The following YDJC variants were observed in gnomAD, a reference collection of about 807,000 sequenced individuals.
YDJC encodes the protein YdjC chitooligosaccharide deacetylase homolog, also known as carbohydrate deacetylase.
In YDJC, 23 loss-of-function variants were observed where a neutral mutation model predicts 18.9. That is an observed-to-expected ratio of 1.22 (90% CI 0.87 to 1.72). YDJC has a LOEUF of 1.72. Ranked by LOEUF, YDJC falls within the 40% of genes most tolerant of loss-of-function variation. The probability of loss-of-function intolerance (pLI) is 0.00; values close to 1 mark genes in which losing one functional copy is unlikely to be tolerated. For synonymous variants in YDJC, 224 were observed against 217.6 expected, an observed-to-expected ratio of 1.03 and a Z score of -0.26; for missense variants, 467 against 470.8, an observed-to-expected ratio of 0.99 and a Z score of 0.07.
Position 21,629,995 on chromosome 22 carries a change from C to T in YDJC, c.20G>A (p.Arg7His), listed in dbSNP as rs1270394693. The T allele has an allele frequency of 1.3e-6, 2 of 1,599,128 alleles. No individual in the cohort carries two copies. The highest frequency in any genetic ancestry group is 1.7e-6 in the Non-Finnish European group (2 of 1,176,954). MSRPRM[R>H]LVVTADDFGY... Reference sequence around the variant, plus strand: ...AAAGTCGTCCGCGGTGACCACCAGGCGCATGCGAGGGCGGGACATGGCCGC... The same window carrying T: ...AAAGTCGTCCGCGGTGACCACCAGGTGCATGCGAGGGCGGGACATGGCCGC... The change falls in exon 1 of 5, where the codon CGC becomes CAC. Residue 7 changes from arginine (R) to histidine (H), a missense_variant. By Grantham distance (29) the Arg-to-His change is conservative (BLOSUM62 0). Coordinates refer to ENST00000292778, the MANE Select transcript of YDJC (RefSeq NM_001017964.2).
At position 21,629,755 on chromosome 22, in the gene YDJC, G is replaced by A. The variant is rs1331837864; in HGVS notation, c.171C>T (p.Ser57=). Residue 57 remains serine, a synonymous_variant, in exon 2 of 5, where the codon AGC becomes AGT. Coordinates refer to ENST00000292778, the MANE Select transcript of YDJC (RefSeq NM_001017964.2). ...ESAAELARRH[S]IPTGLHANLS... ...GGTTGGCGTGGAGGCCCGTGGGGATGCTGTGCCTGAGGGCGGAGCGCGAGC... is the reference window on the plus strand; with the variant it reads ...GGTTGGCGTGGAGGCCCGTGGGGATACTGTGCCTGAGGGCGGAGCGCGAGC... The A allele has an allele frequency of 4.6e-6, 7 of 1,507,962 alleles. No individual in the cohort carries two copies. The African/African-American group carries it at 5.6e-5, about 12-fold the overall frequency. 93.4% of individuals were successfully genotyped at this position (1,507,962 alleles called of 1,614,324 possible).
chr22:21,629,233 G>A, intron 3 of YDJC, 46 bp from the exon 4 acceptor site: 3 of 1,549,116 alleles, frequency 1.9e-6, no homozygotes, highest in Non-Finnish European at 2.6e-6. Flanking sequence ...TTCACCTGGG[G>A]GCATCGAACT....
rs1167205460 is a variant in YDJC, at chr22:21,628,785, C to G, written c.605G>C (p.Trp202Ser). 1.4e-6 allele frequency: 2 copies of G among 1,479,294 alleles called. No individual in the cohort carries two copies. Among genetic ancestry groups the G allele is most frequent in the Non-Finnish European group, 1.8e-6 (2 of 1,112,526 alleles). 91.6% of individuals were successfully genotyped at this position (1,479,294 alleles called of 1,614,324 possible). A position where few individuals can be genotyped will look rare whatever the true frequency, so the allele number is the denominator to read the frequency against. ...GCTCAGGCCCACGAAGGCGTCTGTC[C>G]ACCTGTGGGGGGCGGGACATCAGAG... is the stretch of plus-strand genomic sequence containing the variant. ...VGPFSRHGLR[W>S]TDAFVGLSTC... Residue 202 changes from tryptophan (W) to serine (S), a missense_variant and splice_region_variant, in exon 5 of 5, where the codon TGG becomes TCG. Physicochemically the swap from Trp to Ser is radical, Grantham distance 177 (BLOSUM62 -3). Coordinates refer to ENST00000292778, the MANE Select transcript of YDJC (RefSeq NM_001017964.2).
At chr22:21,629,571 C>G (rs753474886) in intron 2 of YDJC, 31 bp downstream of exon 2, 2 of 1,612,338 alleles carry the variant, frequency 1.2e-6, no homozygotes, top group Admixed American at 3.3e-5. Context: ...GGGGTCCTCG[C>G]GAGCATCCTC....
At chr22:21,629,456 G>T in intron 2 of YDJC, 49 bp from the exon 3 acceptor site, 1 of 1,536,896 alleles carries the variant, frequency 6.5e-7, no homozygotes, top group East Asian at 2.4e-5. Flanking sequence ...TAGCTGCCGA[G>T]GATACCCTCC....
Position 21,629,774 on chromosome 22 carries a change from C to A in YDJC, c.165-13G>T. On this transcript the variant is annotated splice_polypyrimidine_tract_variant and intron_variant, in intron 1 of 4. Coordinates refer to ENST00000292778, the MANE Select transcript of YDJC (RefSeq NM_001017964.2). ...GGGGATGCTGTGCCTGAGGGCGGAG[C>A]GCGAGCTGGAGCACTAGCGGCCGCG... is the stretch of plus-strand genomic sequence containing the variant. 1.4e-6 allele frequency: 2 copies of A among 1,475,468 alleles called. No homozygotes were observed. The highest frequency in any genetic ancestry group is 1.9e-4 in the Middle Eastern group (1 of 5,364). 91.4% of individuals were successfully genotyped at this position (1,475,468 alleles called of 1,614,324 possible). A position where few individuals can be genotyped will look rare whatever the true frequency, so the allele number is the denominator to read the frequency against.
chr22:21,629,990 C>G lies in YDJC; in HGVS notation c.25G>C (p.Val9Leu), dbSNP rs765448995. ...TAACCAAAGTCGTCCGCGGTGACCA[C>G]CAGGCGCATGCGAGGGCGGGACATG... is the stretch of plus-strand genomic sequence containing the variant. MSRPRMRL[V>L]VTADDFGYCP... Residue 9 changes from valine to leucine, a missense_variant, in exon 1 of 5, where the codon GTG (valine) becomes CTG (leucine). By Grantham distance (32) the Val-to-Leu change is conservative (BLOSUM62 1). Transcript: ENST00000292778. 4 of 1,600,166 alleles carry G rather than the reference C, an allele frequency of 2.5e-6. No individual in the cohort carries two copies. Among genetic ancestry groups the G allele is most frequent in the Admixed American group, 3.4e-5 (2 of 59,562 alleles).
Position 21,629,667 on chromosome 22 carries a change from C to T in YDJC, c.259G>A (p.Gly87Ser), listed in dbSNP as rs1329526321. The change falls in exon 2 of 5, where the codon GGC becomes AGC. Residue 87 changes from glycine (G) to serine (S), a missense_variant. Physicochemically the swap from Gly to Ser is moderately conservative, Grantham distance 56 (BLOSUM62 0). Transcript: ENST00000292778. Reference protein sequence around the residue: ...RGASSLLGPEGFFLGKMGFRE... With the variant: ...RGASSLLGPESFFLGKMGFRE... ...AATCCCATCTTGCCAAGGAAGAAGC[C>T]TTCCGGGCCGAGCAGCGATGAGGCG... 6.2e-7 allele frequency: 1 copy of T among 1,611,712 alleles called. No homozygotes were observed. The highest frequency in any genetic ancestry group is 1.7e-5 in the Admixed American group (1 of 59,938).
At chr22:21,628,878 G>GT in intron 4 of YDJC, 91 bp from the exon 5 acceptor site, 1 of 587,458 alleles carries the variant, frequency 1.7e-6, no homozygotes, top group Non-Finnish European at 2.6e-6. Context: ...GTGGGAGGGG[G>GT]TAACTGGGGT....
In YDJC at chr22:21,629,196, G is replaced by A. The variant is rs761824175; in HGVS notation, c.425-9C>T. On this transcript the variant is annotated splice_polypyrimidine_tract_variant and intron_variant, in intron 3 of 4. Transcript: ENST00000292778. ...GAACACCTGGCACACGCCTGCGGGC[G>A]GAGCGGGTCAGGGAGGAGCACGTCC... 6.9e-5 allele frequency: 107 copies of A among 1,545,064 alleles called. No individual in the cohort carries two copies. Among genetic ancestry groups the A allele is most frequent in the Non-Finnish European group, 9.0e-5 (103 of 1,146,072 alleles).
In YDJC at chr22:21,629,039, G is replaced by C. The variant is rs1305707583; in HGVS notation, c.573C>G (p.Ala191=). ...ACAVERDARA[A]VGPFSRHGLR... is the part of the protein sequence containing the mutation. The stretch of plus-strand genomic sequence containing the variant: ...GGCCGTGGCGGGAGAAGGGGCCCAC[G>C]GCGGCCCGGGCGTCGCGCTCCACGG... The change falls in exon 4 of 5, where the codon GCC becomes GCG. Residue 191 remains alanine, a synonymous_variant. Coordinates refer to ENST00000292778, the MANE Select transcript of YDJC (RefSeq NM_001017964.2). The C allele has an allele frequency of 6.7e-7, 1 of 1,495,052 alleles. No homozygotes were observed. The highest frequency in any genetic ancestry group is 8.8e-7 in the Non-Finnish European group (1 of 1,130,350). 92.6% of individuals were successfully genotyped at this position (1,495,052 alleles called of 1,614,324 possible).
In YDJC at chr22:21,628,584, TC is replaced by T. The variant is rs768174549; in HGVS notation, c.805del (p.Glu269SerfsTer64). On this transcript the variant is annotated frameshift_variant, in exon 5 of 5. Coordinates refer to ENST00000292778, the MANE Select transcript of YDJC (RefSeq NM_001017964.2). LOFTEE classifies it low-confidence loss of function (END_TRUNC). The part of the protein sequence containing the change: ...EGPDAFSCSW[E>X]RLHELRVLTA... ...GAGGACGCGCAGCTCATGCAGCCGC[TC>T]CCAAGAGCAAGAGAAAGCGTCGGGG... 1 of 1,608,048 alleles carries T rather than the reference TC, an allele frequency of 6.2e-7. No homozygotes were observed. Among genetic ancestry groups the T allele is most frequent in the Non-Finnish European group, 8.5e-7 (1 of 1,176,864 alleles).
At chr22:21,628,956 C>T in intron 4 of YDJC, 54 bp downstream of exon 4, 1 of 1,435,802 alleles carries the variant, frequency 7.0e-7, no homozygotes. Context: ...AGGTGAACAG[C>T]CAGTGCGGAG....
Position 21,628,742 on chromosome 22 carries a change from C to G in YDJC, c.648G>C (p.Met216Ile). 1 of 1,513,222 alleles carries G rather than the reference C, an allele frequency of 6.6e-7. No individual in the cohort carries two copies. Among genetic ancestry groups the G allele is most frequent in the Non-Finnish European group, 8.9e-7 (1 of 1,129,158 alleles). 93.7% of individuals were successfully genotyped at this position (1,513,222 alleles called of 1,614,324 possible). Residue 216 changes from methionine (M) to isoleucine (I), a missense_variant, in exon 5 of 5, where the codon ATG (methionine) becomes ATC (isoleucine). Coordinates refer to ENST00000292778, the MANE Select transcript of YDJC (RefSeq NM_001017964.2). ...FVGLSTCGRH[M>I]SAHRVSGALA... is the part of the protein sequence containing the mutation. ...GGGCCCCGGACACGCGGTGAGCGGA[C>G]ATGTGCCGGCCGCAAGTGCTCAGGC...
Position 21,628,283 on chromosome 22 carries a change from C to A in YDJC, c.*135G>T. The A allele has an allele frequency of 3.2e-6, 4 of 1,254,790 alleles. No homozygotes were observed. The highest frequency in any genetic ancestry group is 4.2e-6 in the Non-Finnish European group (4 of 942,408). The allele number at this position is 1,254,790 out of a possible 1,614,324, so 77.7% of individuals were successfully genotyped here. On this transcript the variant is annotated 3_prime_UTR_variant, in exon 5 of 5. Transcript: ENST00000292778. ...CATTTGGAGGCATGAGGACCTGAGC[C>A]CAGAGGTGGCAGTGTCCTACCCAGG...
Position 21,628,373 on chromosome 22 carries a change from C to T in YDJC, c.*45G>A, listed in dbSNP as rs754436694. 1.9e-5 allele frequency: 28 copies of T among 1,479,472 alleles called. No homozygotes were observed. In the African/African-American group the frequency reaches 3.0e-4, roughly 16 times the overall value. 91.6% of individuals were successfully genotyped at this position (1,479,472 alleles called of 1,614,324 possible). A position where few individuals can be genotyped will look rare whatever the true frequency, so the allele number is the denominator to read the frequency against. On this transcript the variant is annotated 3_prime_UTR_variant, in exon 5 of 5. Coordinates refer to ENST00000292778, the MANE Select transcript of YDJC (RefSeq NM_001017964.2). Reference sequence around the variant, plus strand: ...GGGCCAGGACTAAATCCTGGCTCCCCTTTCTTGGTACTAAGGGGATTAGTG... The same window carrying T: ...GGGCCAGGACTAAATCCTGGCTCCCTTTTCTTGGTACTAAGGGGATTAGTG...
At position 21,628,776 on chromosome 22, in the gene YDJC, G is replaced by T; in HGVS notation, c.614C>A (p.Ala205Asp). 1 of 1,486,764 alleles carries T rather than the reference G, an allele frequency of 6.7e-7. No individual in the cohort carries two copies. The highest frequency in any genetic ancestry group is 9.0e-7 in the Non-Finnish European group (1 of 1,115,662). The allele number at this position is 1,486,764 out of a possible 1,614,324, so 92.1% of individuals were successfully genotyped here. ...FSRHGLRWTD[A>D]FVGLSTCGRH... is the part of the protein sequence containing the mutation. ...GCCGCAAGTGCTCAGGCCCACGAAG[G>T]CGTCTGTCCACCTGTGGGGGGCGGG... The change falls in exon 5 of 5, where the codon GCC (alanine) becomes GAC (aspartate). Residue 205 changes from alanine (A) to aspartate (D), a missense_variant. By Grantham distance (126) the Ala-to-Asp change is moderately radical. Transcript: ENST00000292778.
chr22:21,629,087 G>A lies in YDJC; in HGVS notation c.525C>T (p.Ala175=). The change falls in exon 4 of 5, where the codon GCC becomes GCT. Residue 175 remains alanine, a synonymous_variant. Coordinates refer to ENST00000292778, the MANE Select transcript of YDJC (RefSeq NM_001017964.2). ...RGVGGCTWLE[A]PARAFACAVE... Reference sequence around the variant, plus strand: ...CGGCGCAGGCGAAGGCACGCGCGGGGGCCTCCAGCCAAGTGCAGCCACCCA... The same window carrying A: ...CGGCGCAGGCGAAGGCACGCGCGGGAGCCTCCAGCCAAGTGCAGCCACCCA... 1.3e-6 allele frequency: 2 copies of A among 1,535,618 alleles called. No individual in the cohort carries two copies. Among genetic ancestry groups the A allele is most frequent in the African/African-American group, 2.7e-5 (2 of 73,076 alleles).
At position 21,628,993 on chromosome 22, in the gene YDJC, G is replaced by A. The variant is rs957716059; in HGVS notation, c.602+17C>T. On this transcript the variant is annotated intron_variant, in intron 4 of 4. Coordinates refer to ENST00000292778, the MANE Select transcript of YDJC (RefSeq NM_001017964.2). The stretch of plus-strand genomic sequence containing the variant: ...GACAGAGGCAGCTATGGTAGGAGAC[G>A]GGGCGGGGAGCCTCACCGCAGGCCG... The A allele has an allele frequency of 3.2e-5, 47 of 1,452,056 alleles. No homozygotes were observed. Among genetic ancestry groups the A allele is most frequent in the Non-Finnish European group, 4.1e-5 (46 of 1,111,692 alleles). The allele number at this position is 1,452,056 out of a possible 1,614,324, so 89.9% of individuals were successfully genotyped here. A position where few individuals can be genotyped will look rare whatever the true frequency, so the allele number is the denominator to read the frequency against.
Sources: allele counts gnomAD v4.1 joint callset, GRCh38; gene constraint gnomAD v4.1.1; transcripts MANE v1.5; gene names NCBI Gene and HGNC (gene_info 2026-07-23, HGNC 2026-07-21).